PRKCA: variants seen among roughly 807,000 people sequenced by gnomAD.
PRKCA encodes protein kinase C alpha type.
In PRKCA, 27 loss-of-function variants were observed where a neutral mutation model predicts 87.0. The observed-to-expected ratio is 0.31, with a 90% confidence interval of 0.23 to 0.43. The LOEUF (loss-of-function observed/expected upper bound fraction) is 0.43, where lower values mean the gene tolerates loss of function less well. PRKCA is among the 20% of genes least tolerant of loss of function. PRKCA has a pLI of 1.00. For synonymous variants in PRKCA, 329 were observed against 311.1 expected, an observed-to-expected ratio of 1.06 and a Z score of -0.61; for missense variants, 518 against 852.3, an observed-to-expected ratio of 0.61 and a Z score of 4.88.
At chr17:66,439,649 C>T (rs376288491) in intron 2 of PRKCA, among the ~76,000 whole-genome samples, 5 of 152,160 alleles carry the variant, frequency 3.3e-5, no homozygotes, top group South Asian at 2.1e-4. Flanking sequence ...AGATCCTTCA[C>T]GTTGGAGGTT....
intron 2 of PRKCA, among the ~76,000 whole-genome samples, chr17:66,357,774 T>C (rs1598613570): frequency 1.3e-5 from 2 of 152,308 alleles, no homozygotes; most frequent in East Asian, 1.9e-4. Context: ...GTAAGTAATG[T>C]GATTTAAGTT....
At chr17:66,497,315 T>G (rs1184873024) in intron 3 of PRKCA, among the ~76,000 whole-genome samples, 1 of 152,042 alleles carries the variant, frequency 6.6e-6, no homozygotes, top group African/African-American at 2.4e-5. Context: ...CTGACCAACA[T>G]GGAGAAACCC....
intron 3 of PRKCA, among the ~76,000 whole-genome samples, chr17:66,589,082 C>T (rs528428861): frequency 4.6e-5 from 7 of 152,164 alleles, no homozygotes; most frequent in East Asian, 1.9e-4. Context: ...CCCAGATGAA[C>T]GTGAAGTCTG....
Position 66,805,732 on chromosome 17 carries a change from A to C in PRKCA, c.*1695A>C, listed in dbSNP as rs1259241683. On this transcript the variant is annotated 3_prime_UTR_variant, in exon 17 of 17. Transcript: ENST00000413366. Reference sequence around the variant, plus strand: ...GGGACAACAGGAAGTGTCTGATTCCAGTCTGCCTAGTACGTTGGTACACAC... The same window carrying C: ...GGGACAACAGGAAGTGTCTGATTCCCGTCTGCCTAGTACGTTGGTACACAC... 1 of 152,134 alleles carries C rather than the reference A, an allele frequency of 6.6e-6. No homozygotes were observed. The highest frequency in any genetic ancestry group is 1.5e-5 in the Non-Finnish European group (1 of 68,030). The allele number at this position is 152,134 out of a possible 1,614,324, so 9.4% of individuals were successfully genotyped here. A position where few individuals can be genotyped will look rare whatever the true frequency, so the allele number is the denominator to read the frequency against.
At chr17:66,595,464 T>C (rs985163930) in intron 3 of PRKCA, among the ~76,000 whole-genome samples, 5 of 30,172 alleles carry the variant, frequency 1.7e-4, no homozygotes, top group Admixed American at 3.4e-4. Flanking sequence ...CTTTTCCTTC[T>C]TTTTTTTTTT....
intron 2 of PRKCA, among the ~76,000 whole-genome samples, chr17:66,322,482 A>G (rs954705262): frequency 2.0e-5 from 3 of 152,186 alleles, no homozygotes; most frequent in Admixed American, 2.0e-4. Context: ...TTTTTTAAAG[A>G]GATGGAGTCT....
At chr17:66,576,209 G>T (rs1969233058) in intron 3 of PRKCA, among the ~76,000 whole-genome samples, 1 of 152,204 alleles carries the variant, frequency 6.6e-6, no homozygotes, top group African/African-American at 2.4e-5. Flanking sequence ...GTCACAGTTG[G>T]TTACAACACA....
intron 8 of PRKCA, among the ~76,000 whole-genome samples, chr17:66,703,010 G>A (rs1033723289): frequency 1.3e-5 from 2 of 152,152 alleles, no homozygotes; most frequent in African/African-American, 4.8e-5. Flanking sequence ...GAGGTTGCAG[G>A]ACTGGAAGTT....
In PRKCA at chr17:66,809,307, T is replaced by C. The variant is rs1263744490; in HGVS notation, c.*5270T>C. On this transcript the variant is annotated 3_prime_UTR_variant, in exon 17 of 17. Transcript: ENST00000413366. ...ACCCCTGTGCCTCCCATTTATGTGA[T>C]CAGGTGACAGTTAATAACCGTGGAG... 6 of 152,556 alleles carry C rather than the reference T, an allele frequency of 3.9e-5. No individual in the cohort carries two copies. The highest frequency in any genetic ancestry group is 1.4e-4 in the African/African-American group (6 of 41,420). 9.5% of individuals were successfully genotyped at this position (152,556 alleles called of 1,614,324 possible).
At chr17:66,622,507 T>C (rs1301347507) in intron 3 of PRKCA, among the ~76,000 whole-genome samples, 2 of 152,244 alleles carry the variant, frequency 1.3e-5, no homozygotes, top group African/African-American at 4.8e-5. Context: ...CCCATGGTGG[T>C]TACCTTTTCT....
chr17:66,421,106 G>A (rs1353369341), intron 2 of PRKCA, among the ~76,000 whole-genome samples: 1 of 152,246 alleles, frequency 6.6e-6, no homozygotes, highest in Non-Finnish European at 1.5e-5. Context: ...GGCTACTCCA[G>A]TGAAGTTGAA....
intron 2 of PRKCA, among the ~76,000 whole-genome samples, chr17:66,411,519 G>C (rs1299867647): frequency 6.6e-6 from 1 of 152,220 alleles, no homozygotes; most frequent in African/African-American, 2.4e-5. Context: ...CTCTGGGACA[G>C]CTATTCTCAA....
chr17:66,643,141 A>C (rs964115698), intron 4 of PRKCA, among the ~76,000 whole-genome samples: 3 of 152,232 alleles, frequency 2.0e-5, no homozygotes, highest in Non-Finnish European at 4.4e-5. Flanking sequence ...ATGTAAATAT[A>C]TTTTAACTAC....
At position 66,807,646 on chromosome 17, in the gene PRKCA, A is replaced by G. The variant is rs917230605; in HGVS notation, c.*3609A>G. 23 of 152,204 alleles carry G rather than the reference A, an allele frequency of 1.5e-4. No homozygotes were observed. Among genetic ancestry groups the G allele is most frequent in the African/African-American group, 5.1e-4 (21 of 41,438 alleles). The allele number at this position is 152,204 out of a possible 1,614,324, so 9.4% of individuals were successfully genotyped here. A position where few individuals can be genotyped will look rare whatever the true frequency, so the allele number is the denominator to read the frequency against. ...GCTTTCTTACTCAGAATTTTGATAG[A>G]AAACCATGGGGCCAAGAGCTCTGGA... On this transcript the variant is annotated 3_prime_UTR_variant, in exon 17 of 17. Coordinates refer to ENST00000413366, the MANE Select transcript of PRKCA (RefSeq NM_002737.3). This position sits in a 1 kb window ranked among gnomAD's most constrained non-coding sequence, Gnocchi z 4.3.
chr17:66,437,018 T>C (rs1913431678), intron 2 of PRKCA, among the ~76,000 whole-genome samples: 1 of 151,924 alleles, frequency 6.6e-6, no homozygotes, highest in Admixed American at 6.6e-5. Flanking sequence ...GATGGGAGAT[T>C]ATAGGAAAAA....
intron 2 of PRKCA, among the ~76,000 whole-genome samples, chr17:66,312,225 T>C (rs1282008423): frequency 1.3e-5 from 2 of 152,180 alleles, no homozygotes; most frequent in African/African-American, 4.8e-5. Flanking sequence ...TAGGTGATCC[T>C]CCTGTTTCAG....
At position 66,732,786 on chromosome 17, in the gene PRKCA, C is replaced by T. The variant is rs1340346980; in HGVS notation, c.1017C>T (p.Phe339=). 1 of 1,614,042 alleles carries T rather than the reference C, an allele frequency of 6.2e-7. No individual in the cohort carries two copies. Among genetic ancestry groups the T allele is most frequent in the Non-Finnish European group, 8.5e-7 (1 of 1,180,030 alleles). ...TTGACCGAGTGAAACTCACGGACTT[C>T]AATTTCCTCATGGTGTTGGGAAAGG... The part of the protein sequence containing the change: ...NNLDRVKLTD[F]NFLMVLGKGS... Residue 339 remains phenylalanine (F), a synonymous_variant, in exon 9 of 17, where the codon TTC becomes TTT. Transcript: ENST00000413366.
chr17:66,588,134 T>C (rs1969679751), intron 3 of PRKCA, among the ~76,000 whole-genome samples: 1 of 152,008 alleles, frequency 6.6e-6, no homozygotes, highest in Non-Finnish European at 1.5e-5. Context: ...CAATAAATGC[T>C]TTTATCAGGT....
Position 66,555,653 on chromosome 17 carries a change from A to C in PRKCA, c.288+59370A>C, listed in dbSNP as rs1968471087. On this transcript the variant is annotated intron_variant, in intron 3 of 16. Transcript: ENST00000413366. Reference sequence around the variant, plus strand: ...TTATCCTTTAAGAGCCACTTACACTACTGGAAAACAACTCCACCCAGGTTC... The same window carrying C: ...TTATCCTTTAAGAGCCACTTACACTCCTGGAAAACAACTCCACCCAGGTTC... Among the ~76,000 whole-genome samples, 2 of 152,206 alleles carry C rather than the reference A, an allele frequency of 1.3e-5. 1 individual carries two copies. Among genetic ancestry groups the C allele is most frequent in the South Asian group, 4.1e-4 (2 of 4,824 alleles).
Sources: allele counts gnomAD v4.1 joint callset (sites outside exome capture counted in the v4.1 genomes callset), GRCh38; gene constraint gnomAD v4.1.1; non-coding constraint Gnocchi (gnomAD v3.1); transcripts MANE v1.5; gene names NCBI Gene and HGNC (gene_info 2026-07-23, HGNC 2026-07-21).